Variants in SEC31B observed in about 807,000 individuals in gnomAD.
SEC31B encodes SEC31 homolog B, COPII component.
Under a neutral mutation model 135.0 loss-of-function variants are expected in SEC31B, and 113 were observed. That is an observed-to-expected ratio of 0.84 (90% CI 0.72 to 0.98). SEC31B has a LOEUF of 0.98. SEC31B is among the 50% of genes least tolerant of loss of function. The probability of loss-of-function intolerance (pLI) is 0.00; values close to 1 mark genes in which losing one functional copy is unlikely to be tolerated. For missense variants in SEC31B, 1,296 were observed against 1,421.1 expected (o/e 0.91, Z 1.42); for synonymous variants, 508 against 549.4 (o/e 0.92, Z 1.05).
At chr10:100,497,935 G>A in intron 15 of SEC31B, 94 bp downstream of exon 15, 1 of 1,571,990 alleles carries the variant, frequency 6.4e-7, no homozygotes, top group South Asian at 1.2e-5. Context: ...AGAGAGGCAG[G>A]CAGATACTCA....
intron 2 of SEC31B, 139 bp downstream of exon 2, chr10:100,516,735 C>A: frequency 4.0e-6 from 2 of 501,790 alleles, no homozygotes; most frequent in Non-Finnish European, 7.1e-6. Context: ...CACCTAATAT[C>A]TCCTTGCTTA....
chr10:100,514,852 G>A (rs1048609827), intron 3 of SEC31B, among the ~76,000 whole-genome samples: 6 of 150,876 alleles, frequency 4.0e-5, no homozygotes, highest in African/African-American at 7.3e-5. Flanking sequence ...GTGGTGGCGC[G>A]CACCTGTAGT....
At chr10:100,508,163 G>A in intron 5 of SEC31B, 112 bp from the exon 6 acceptor site, 1 of 1,316,646 alleles carries the variant, frequency 7.6e-7, no homozygotes, top group Admixed American at 1.8e-5. Flanking sequence ...TAGACATGGG[G>A]CTACCCAAAC....
At chr10:100,502,230 G>A in intron 11 of SEC31B, 24 bp downstream of exon 11, 1 of 1,587,694 alleles carries the variant, frequency 6.3e-7, no homozygotes, top group Non-Finnish European at 8.6e-7. Context: ...ACACTTCTGA[G>A]CAGCTAGCCT....
At position 100,490,084 on chromosome 10, in the gene SEC31B, C is replaced by T; in HGVS notation, c.2889G>A (p.Val963=). Residue 963 remains valine, a synonymous_variant, in exon 21 of 26, where the codon GTG becomes GTA. Coordinates refer to ENST00000370345, the MANE Select transcript of SEC31B (RefSeq NM_015490.4). ...HTPAPPASFP[V]PYLPGDPGAP... ...CACCTGGGTCCCCTGGAAGGTATGG[C>T]ACAGGGAAGCTTGCAGGAGGGGCTG... 2 of 1,576,416 alleles carry T rather than the reference C, an allele frequency of 1.3e-6. No individual in the cohort carries two copies. Among genetic ancestry groups the T allele is most frequent in the Non-Finnish European group, 1.7e-6 (2 of 1,164,266 alleles).
chr10:100,515,419 G>C (rs1335291188), intron 3 of SEC31B, among the ~76,000 whole-genome samples: 1 of 152,134 alleles, frequency 6.6e-6, no homozygotes, highest in Non-Finnish European at 1.5e-5. Flanking sequence ...CAGATTGTAA[G>C]CCTCAACTTT....
rs760283567 is a variant in SEC31B at position 100,490,771 on chromosome 10, C to G, written c.2585G>C (p.Ser862Thr). The G allele has an allele frequency of 1.2e-6, 2 of 1,611,034 alleles. No homozygotes were observed. The highest frequency in any genetic ancestry group is 2.7e-5 in the African/African-American group (2 of 74,988). The part of the protein sequence containing the change: ...PYQGPRTQNI[S>T]DYRAPGPQAI... ...CTGGGGCCCAGGTGCCCTGTAGTCA[C>G]TTATATTCTGTGTCCTGGGACCCTG... Residue 862 changes from serine to threonine, a missense_variant, in exon 20 of 26, where the codon AGT becomes ACT. Transcript: ENST00000370345.
At chr10:100,514,955 T>C (rs1363169650) in intron 3 of SEC31B, among the ~76,000 whole-genome samples, 1 of 130,462 alleles carries the variant, frequency 7.7e-6, no homozygotes, top group African/African-American at 3.1e-5. Flanking sequence ...CACTCCAGAC[T>C]GGGCGAGAGA....
chr10:100,490,730 G>A lies in SEC31B; in HGVS notation c.2626C>T (p.Pro876Ser), dbSNP rs950666588. ...CCAGGCCTTACCCCAGGGCTCAAAGGCAAAGGCTGGATGGCCTGGGGCCCA... is the reference window on the plus strand; with the variant it reads ...CCAGGCCTTACCCCAGGGCTCAAAGACAAAGGCTGGATGGCCTGGGGCCCA... Reference protein sequence around the residue: ...APGPQAIQPLPLSPGVRPASS... With the variant: ...APGPQAIQPLSLSPGVRPASS... Residue 876 changes from proline (P) to serine (S), a missense_variant, in exon 20 of 26, where the codon CCT becomes TCT. Coordinates refer to ENST00000370345, the MANE Select transcript of SEC31B (RefSeq NM_015490.4). 2 of 1,597,914 alleles carry A rather than the reference G, an allele frequency of 1.3e-6. No individual in the cohort carries two copies. Among genetic ancestry groups the A allele is most frequent in the Non-Finnish European group, 1.7e-6 (2 of 1,170,866 alleles).
At chr10:100,513,966 C>T (rs1181068377) in intron 3 of SEC31B, among the ~76,000 whole-genome samples, 4 of 151,762 alleles carry the variant, frequency 2.6e-5, no homozygotes, top group African/African-American at 9.7e-5. Context: ...GGTTGGATCA[C>T]CTGAGGTCAG....
intron 11 of SEC31B, among the ~76,000 whole-genome samples, chr10:100,500,323 T>TC: frequency 6.8e-6 from 1 of 147,956 alleles, no homozygotes; most frequent in African/African-American, 2.5e-5. Flanking sequence ...TTTCTTTTCT[T>TC]TTTTTTTTTT....
chr10:100,495,185 A>G (rs1851382270), intron 19 of SEC31B, 200 bp downstream of exon 19: 1 of 588,436 alleles, frequency 1.7e-6, no homozygotes, highest in Non-Finnish European at 3.0e-6. Context: ...CTTGAGGGCA[A>G]GTATCACAAT....
intron 19 of SEC31B, chr10:100,494,788 T>TA (rs1168127812): frequency 1.9e-5 from 3 of 155,196 alleles, no homozygotes; most frequent in African/African-American, 7.2e-5. Flanking sequence ...CCCCTTGCCA[T>TA]ACCCCAATCA....
chr10:100,494,786 C>CAT (rs1481092692), intron 19 of SEC31B: 2 of 155,076 alleles, frequency 1.3e-5, no homozygotes, highest in Non-Finnish European at 2.8e-5. Context: ...AGCCCCTTGC[C>CAT]ATACCCCAAT....
chr10:100,497,604 T>C, intron 16 of SEC31B, 63 bp downstream of exon 16: 3 of 1,612,136 alleles, frequency 1.9e-6, no homozygotes, highest in South Asian at 1.1e-5. Context: ...CCCTCCTGCA[T>C]GCATCCTTTG....
intron 3 of SEC31B, among the ~76,000 whole-genome samples, chr10:100,512,593 T>G (rs1309443538): frequency 6.6e-6 from 1 of 152,188 alleles, no homozygotes; most frequent in Non-Finnish European, 1.5e-5. Flanking sequence ...GTAGATAATA[T>G]TTCTCTGATG....
At chr10:100,502,207 A>G in intron 11 of SEC31B, 47 bp downstream of exon 11, 1 of 1,489,670 alleles carries the variant, frequency 6.7e-7, no homozygotes, top group East Asian at 2.3e-5. Context: ...TTGGAGTTCC[A>G]GGCTTTGGGG....
At chr10:100,518,743 T>C (rs543400577) in intron 1 of SEC31B, among the ~76,000 whole-genome samples, 5 of 152,338 alleles carry the variant, frequency 3.3e-5, no homozygotes, top group Non-Finnish European at 4.4e-5. Flanking sequence ...GAGTAAGCTA[T>C]AGTCAGATCA....
rs187582873 is a variant in SEC31B at position 100,504,199 on chromosome 10, T to C, written c.1179+1162A>G. On this transcript the variant is annotated intron_variant, in intron 10 of 25. Coordinates refer to ENST00000370345, the MANE Select transcript of SEC31B (RefSeq NM_015490.4). ...ATAAATGACAGAGCTATGATAAGAA[T>C]TCAGGCCTCTTGACCTCAGAATTCT... 7.9e-5 allele frequency among the ~76,000 whole-genome samples: 12 copies of C among 152,330 alleles called. No homozygotes were observed. In the East Asian group the frequency reaches 2.3e-3, roughly 29 times the overall value.
Sources: allele counts gnomAD v4.1 joint callset (sites outside exome capture counted in the v4.1 genomes callset), GRCh38; gene constraint gnomAD v4.1.1; transcripts MANE v1.5; gene names NCBI Gene and HGNC (gene_info 2026-07-23, HGNC 2026-07-21).